Variants in SDF4 observed in about 807,000 individuals in gnomAD.
SDF4 encodes 45 kDa calcium-binding protein.
SDF4 carries 22 observed loss-of-function variants against 34.2 expected under a neutral mutation model. The ratio of observed to expected loss-of-function variants is 0.64; its 90% CI spans 0.46 to 0.92. The LOEUF (loss-of-function observed/expected upper bound fraction) is 0.92. Among genes scored for constraint, SDF4 ranks in the 40% least tolerant of loss-of-function variants. SDF4 has a pLI of 0.00. For missense variants in SDF4, 447 were observed against 499.9 expected, an observed-to-expected ratio of 0.89 and a Z score of 1.01; for synonymous variants, 236 against 203.1, an observed-to-expected ratio of 1.16 and a Z score of -1.38.
rs2100965036 is a variant in SDF4 at position 1,217,911 on chromosome 1, G to A, written c.892-223C>T. The A allele has an allele frequency of 8.0e-7, 1 of 1,252,666 alleles. No individual in the cohort carries two copies. The highest frequency in any genetic ancestry group is 2.6e-5 in the East Asian group (1 of 38,794). 77.6% of individuals were successfully genotyped at this position (1,252,666 alleles called of 1,614,324 possible). ...GCCAGCAGGGGTAACGGGGCACAGG[G>A]GCTACACAGGCCTGGACCCCAGTTC... On this transcript the variant is annotated intron_variant, in intron 6 of 6. Transcript: ENST00000360001. The surrounding 1 kb of genome is among the most constrained non-coding windows in gnomAD (Gnocchi z 8.5).
chr1:1,225,572 G>C (rs1249492622), intron 2 of SDF4, among the ~76,000 whole-genome samples: 4 of 152,218 alleles, frequency 2.6e-5, no homozygotes, highest in Non-Finnish European at 5.9e-5. Flanking sequence ...CAGCTCCACA[G>C]TCCCCAAAAC....
In SDF4 at chr1:1,224,086, C is replaced by G. The variant is rs1012004727; in HGVS notation, c.306-118G>C. The G allele has an allele frequency of 4.6e-6, 7 of 1,514,644 alleles. No individual in the cohort carries two copies. The African/African-American group carries it at 9.6e-5, about 21-fold the overall frequency. The allele number at this position is 1,514,644 out of a possible 1,614,324, so 93.8% of individuals were successfully genotyped here. On this transcript the variant is annotated intron_variant, in intron 2 of 6. Transcript: ENST00000360001. ...TGCGTGAACCTGCCACCAACAGCGA[C>G]AGGCTCCACCAGGCAACGCGAAAAG...
At chr1:1,230,733 A>G (rs1472600114) in intron 1 of SDF4, among the ~76,000 whole-genome samples, 2 of 152,228 alleles carry the variant, frequency 1.3e-5, no homozygotes, top group Non-Finnish European at 2.9e-5. Context: ...TGCTGGGACT[A>G]TAGGCGTGAG....
At position 1,218,920 on chromosome 1, in the gene SDF4, T is replaced by C. The variant is rs771594486; in HGVS notation, c.564A>G (p.Glu188=). ...AGCGGTCCTTCAGGTTCTCCAGGAC[T>C]TCCTGTGCTGAGAGGGGCGCAGCCT... ...EELKVDEETQ[E]VLENLKDRWY... Residue 188 remains glutamate (E), a synonymous_variant, in exon 5 of 7, where the codon GAA becomes GAG. Coordinates refer to ENST00000360001, the MANE Select transcript of SDF4 (RefSeq NM_016176.6). This position sits in a 1 kb window ranked among gnomAD's most constrained non-coding sequence, Gnocchi z 7.9. The C allele has an allele frequency of 1.3e-5, 21 of 1,606,950 alleles. No homozygotes were observed. In the South Asian group the frequency reaches 1.8e-4, roughly 14 times the overall value.
intron 1 of SDF4, among the ~76,000 whole-genome samples, chr1:1,229,341 C>A (rs1033951773): frequency 1.4e-4 from 22 of 152,006 alleles, no homozygotes; most frequent in African/African-American, 5.3e-4. Context: ...GGAGCAGCTG[C>A]GACCACAGGC....
chr1:1,219,227 A>G (rs1362557287), intron 4 of SDF4: 9 of 1,095,528 alleles, frequency 8.2e-6, no homozygotes, highest in East Asian at 5.9e-5. Context: ...CAGACCCCCA[A>G]TACATGGATG....
chr1:1,228,317 G>T, intron 2 of SDF4, 151 bp downstream of exon 2: 1 of 879,796 alleles, frequency 1.1e-6, no homozygotes, highest in Non-Finnish European at 1.7e-6. Flanking sequence ...AACACAGCAG[G>T]CTGGAAGTGG....
At chr1:1,225,626 T>G (rs899929938) in intron 2 of SDF4, among the ~76,000 whole-genome samples, 1 of 151,874 alleles carries the variant, frequency 6.6e-6, no homozygotes, top group Admixed American at 6.5e-5. Context: ...ATGTGGCAGG[T>G]GGGGCACCTG....
chr1:1,228,727 G>A lies in SDF4; in HGVS notation c.46C>T (p.Leu16Phe). The A allele has an allele frequency of 3.1e-6, 5 of 1,612,748 alleles. No homozygotes were observed. Among genetic ancestry groups the A allele is most frequent in the East Asian group, 2.2e-5 (1 of 44,880 alleles). ...AGAAGGACTGCCCCCAGGAGCCAGA[G>A]GCAGCACGGAGCCAGGCCAATGAGG... is the stretch of plus-strand genomic sequence containing the variant. ...GPLIGLAPCCLWLLGAVLLMD... is the reference protein window; with the variant it reads ...GPLIGLAPCCFWLLGAVLLMD... The change falls in exon 2 of 7, where the codon CTC (leucine) becomes TTC (phenylalanine). Residue 16 changes from leucine (L) to phenylalanine (F), a missense_variant. By Grantham distance (22) the Leu-to-Phe change is conservative. Coordinates refer to ENST00000360001, the MANE Select transcript of SDF4 (RefSeq NM_016176.6).
Position 1,217,880 on chromosome 1 carries a change from C to A in SDF4, c.892-192G>T. ...GAAGCCGGGGGCCCCGGAAGGCCTG[C>A]CCGGGGCCAGCAGGGGTAACGGGGC... On this transcript the variant is annotated intron_variant, in intron 6 of 6. Transcript: ENST00000360001. The surrounding 1 kb of genome is among the most constrained non-coding windows in gnomAD (Gnocchi z 8.5). 1 of 1,440,034 alleles carries A rather than the reference C, an allele frequency of 6.9e-7. No individual in the cohort carries two copies. The highest frequency in any genetic ancestry group is 9.1e-7 in the Non-Finnish European group (1 of 1,094,450). The allele number at this position is 1,440,034 out of a possible 1,614,324, so 89.2% of individuals were successfully genotyped here.
chr1:1,217,053 G>T lies in SDF4; in HGVS notation c.*459C>A, dbSNP rs1353483184. On this transcript the variant is annotated 3_prime_UTR_variant, in exon 7 of 7. Transcript: ENST00000360001. The surrounding 1 kb of genome is among the most constrained non-coding windows in gnomAD (Gnocchi z 8.5). ...CGGGAAGGACCCGGCACCCTCCCCT[G>T]AACTTCCTGGCTACTCATTTCCAGC... 1 of 151,846 alleles carries T rather than the reference G, an allele frequency of 6.6e-6. No homozygotes were observed. Among genetic ancestry groups the T allele is most frequent in the Admixed American group, 6.5e-5 (1 of 15,284 alleles). The allele number at this position is 151,846 out of a possible 1,614,324, so 9.4% of individuals were successfully genotyped here. A position where few individuals can be genotyped will look rare whatever the true frequency, so the allele number is the denominator to read the frequency against.
chr1:1,227,826 C>A (rs1195958306), intron 2 of SDF4, among the ~76,000 whole-genome samples: 2 of 152,266 alleles, frequency 1.3e-5, no homozygotes, highest in South Asian at 4.1e-4. Flanking sequence ...GGAGAAAGCT[C>A]GGCACTAGGC....
intron 2 of SDF4, among the ~76,000 whole-genome samples, chr1:1,227,518 G>A (rs1638349542): frequency 6.6e-6 from 1 of 152,154 alleles, no homozygotes; most frequent in African/African-American, 2.4e-5. Flanking sequence ...GCCTCCTTGT[G>A]CCCAGGTCTC....
At chr1:1,220,332 G>A (rs1444379084) in intron 4 of SDF4, 8 of 1,099,030 alleles carry the variant, frequency 7.3e-6, no homozygotes, top group Middle Eastern at 4.3e-4. Context: ...AGTGATGCCC[G>A]CCTGCCACGC....
rs1649627813 is a variant in SDF4, at chr1:1,217,924, T to C, written c.892-236A>G. 2.7e-6 allele frequency: 3 copies of C among 1,131,736 alleles called. No individual in the cohort carries two copies. Among genetic ancestry groups the C allele is most frequent in the Admixed American group, 6.2e-5 (2 of 32,188 alleles). 70.1% of individuals were successfully genotyped at this position (1,131,736 alleles called of 1,614,324 possible). A position where few individuals can be genotyped will look rare whatever the true frequency, so the allele number is the denominator to read the frequency against. On this transcript the variant is annotated intron_variant, in intron 6 of 6. Coordinates refer to ENST00000360001, the MANE Select transcript of SDF4 (RefSeq NM_016176.6). The surrounding 1 kb of genome is among the most constrained non-coding windows in gnomAD (Gnocchi z 8.5). ...ACGGGGCACAGGGGCTACACAGGCC[T>C]GGACCCCAGTTCTGAAGGATCCCTA... is the stretch of plus-strand genomic sequence containing the variant.
intron 2 of SDF4, among the ~76,000 whole-genome samples, chr1:1,225,674 C>T (rs1018900208): frequency 2.0e-5 from 3 of 152,202 alleles, no homozygotes; most frequent in Admixed American, 6.5e-5. Flanking sequence ...TCGAATGCTC[C>T]GGTCACGCTC....
In SDF4 at chr1:1,219,030, C is replaced by T. The variant is rs566213257; in HGVS notation, c.557-103G>A. 4.1e-5 allele frequency: 66 copies of T among 1,607,032 alleles called. 2 individuals are homozygous for T. The Admixed American group carries it at 5.2e-4, about 13-fold the overall frequency. Reference sequence around the variant, plus strand: ...CCTGAACTCGAGGGACACAGCCACCCGCGAGACCGGGGCCCCACCCTCCAG... The same window carrying T: ...CCTGAACTCGAGGGACACAGCCACCTGCGAGACCGGGGCCCCACCCTCCAG... On this transcript the variant is annotated intron_variant, in intron 4 of 6. Transcript: ENST00000360001.
chr1:1,230,725 C>G (rs1005669453), intron 1 of SDF4, among the ~76,000 whole-genome samples: 18 of 152,250 alleles, frequency 1.2e-4, no homozygotes, highest in African/African-American at 4.3e-4. Context: ...TCCCAAAGTG[C>G]TGGGACTATA....
rs553378637 is a variant in SDF4, at chr1:1,230,462, A to ATTTT, written c.-175+1426_-175+1429dup. Among the ~76,000 whole-genome samples, 437 of 144,028 alleles carry ATTTT rather than the reference A, an allele frequency of 3.0e-3. 3 individuals carry two copies. The highest frequency in any genetic ancestry group is 5.3e-3 in the Non-Finnish European group (345 of 65,462). The allele number at this position is 144,028 out of a possible 152,430, so 94.5% of individuals were successfully genotyped here. On this transcript the variant is annotated intron_variant, in intron 1 of 6. Coordinates refer to ENST00000360001, the MANE Select transcript of SDF4 (RefSeq NM_016176.6). ...ACCCTGGGTGAGGGGCTCATGTCTG[A>ATTTT]TTTTTTTTTTTTTTCTGAGACAGAG...
Sources: gnomAD v4.1 joint callset for allele counts (sites outside exome capture counted in the v4.1 genomes callset) on GRCh38, gnomAD v4.1.1 for gene constraint, Gnocchi (gnomAD v3.1) non-coding constraint, MANE v1.5 for transcripts, NCBI Gene and HGNC (gene_info 2026-07-23, HGNC 2026-07-21) for gene names.